ROBO2: variants seen among roughly 807,000 people sequenced by gnomAD.
ROBO2 encodes the protein roundabout guidance receptor 2.
A neutral mutation model predicts 160.8 loss-of-function variants in ROBO2; 53 were observed. That is an observed-to-expected ratio of 0.33 (90% CI 0.26 to 0.41). The LOEUF (loss-of-function observed/expected upper bound fraction) is 0.41. Ranked by LOEUF, ROBO2 falls within the 10% of genes least tolerant of loss-of-function variation. The pLI, the probability that ROBO2 is intolerant of heterozygous loss-of-function variation, is 1.00. For missense variants in ROBO2, 1,577 were observed against 1,722.4 expected, an observed-to-expected ratio of 0.92 and a Z score of 1.49; for synonymous variants, 664 against 611.7, an observed-to-expected ratio of 1.09 and a Z score of -1.26.
chr3:77,493,585 T>C (rs758547371), intron 5 of ROBO2, among the ~76,000 whole-genome samples: 2 of 152,206 alleles, frequency 1.3e-5, no homozygotes, highest in Non-Finnish European at 2.9e-5. Flanking sequence ...AATGAGTATC[T>C]ACATTAATGC....
At chr3:76,236,104 T>A (rs2049886137) in intron 2 of ROBO2, among the ~76,000 whole-genome samples, 1 of 152,164 alleles carries the variant, frequency 6.6e-6, no homozygotes, top group Admixed American at 6.5e-5. Context: ...TTTTTTGTTC[T>A]AATTAAATGG....
At chr3:76,244,883 T>A (rs190573743) in intron 2 of ROBO2, among the ~76,000 whole-genome samples, 38 of 152,354 alleles carry the variant, frequency 2.5e-4, no homozygotes, top group African/African-American at 8.9e-4. Context: ...GGAACTTTAA[T>A]AGTCTGTGTC....
chr3:76,878,167 T>G (rs989300381), intron 2 of ROBO2, among the ~76,000 whole-genome samples: 4 of 149,772 alleles, frequency 2.7e-5, no homozygotes, highest in African/African-American at 1.0e-4. Flanking sequence ...TAAAAAAAGT[T>G]TCCTTAATGC....
chr3:76,647,024 C>T (rs143530272), intron 2 of ROBO2, among the ~76,000 whole-genome samples: 2 of 152,148 alleles, frequency 1.3e-5, no homozygotes, highest in Admixed American at 6.5e-5. Flanking sequence ...AAAGGGCACA[C>T]GCTTGCCTAG....
intron 2 of ROBO2, among the ~76,000 whole-genome samples, chr3:77,121,459 T>A (rs1219441519): frequency 6.6e-6 from 1 of 152,326 alleles, no homozygotes; most frequent in East Asian, 1.9e-4. Flanking sequence ...TGGCTTCTAC[T>A]GGAATGGGGA....
intron 2 of ROBO2, among the ~76,000 whole-genome samples, chr3:77,194,720 TA>T (rs758828911): frequency 6.6e-5 from 10 of 152,216 alleles, no homozygotes; most frequent in East Asian, 5.8e-4. Flanking sequence ...TGACCTGTTT[TA>T]TTGTTTAAAA....
chr3:76,043,700 C>G lies in ROBO2; in HGVS notation c.109+106098C>G, dbSNP rs551220552. 3.3e-5 allele frequency among the ~76,000 whole-genome samples: 5 copies of G among 150,530 alleles called. No individual in the cohort carries two copies. In the East Asian group the frequency reaches 9.8e-4, roughly 29 times the overall value. On this transcript the variant is annotated intron_variant, in intron 2 of 26. Transcript: ENST00000487694. ...CCAAAACAAAAAAACACTGCCACCTCTTTATGACCAACCATAGTTTTGGTT... is the reference window on the plus strand; with the variant it reads ...CCAAAACAAAAAAACACTGCCACCTGTTTATGACCAACCATAGTTTTGGTT...
Position 76,023,916 on chromosome 3 carries a change from A to T in ROBO2, c.109+86314A>T, listed in dbSNP as rs930059125. On this transcript the variant is annotated intron_variant, in intron 2 of 26. Coordinates refer to the ROBO2 transcript ENST00000487694. ...TCCAGGTTACAGAGAAAAAAAGTGG[A>T]AGAGATTAGATCCAAATCAAATCTC... Among the ~76,000 whole-genome samples, 3 of 151,574 alleles carry T rather than the reference A, an allele frequency of 2.0e-5. No individual in the cohort carries two copies. The South Asian group carries it at 6.2e-4, about 31-fold the overall frequency.
chr3:76,831,620 C>G (rs977558924), intron 2 of ROBO2, among the ~76,000 whole-genome samples: 1 of 152,184 alleles, frequency 6.6e-6, no homozygotes, highest in Non-Finnish European at 1.5e-5. Context: ...CCATTTGTGA[C>G]TGGTTTCATA....
At chr3:76,652,174 G>A (rs2091283967) in intron 2 of ROBO2, among the ~76,000 whole-genome samples, 1 of 152,168 alleles carries the variant, frequency 6.6e-6, no homozygotes, top group Non-Finnish European at 1.5e-5. Context: ...AGTCAGCCAT[G>A]ATTTTATCTT....
At chr3:76,396,745 A>G (rs539821829) in intron 2 of ROBO2, among the ~76,000 whole-genome samples, 1 of 152,310 alleles carries the variant, frequency 6.6e-6, no homozygotes, top group South Asian at 2.1e-4. Flanking sequence ...AGAATAAAAT[A>G]CCTAGGAATC....
intron 2 of ROBO2, among the ~76,000 whole-genome samples, chr3:76,749,804 G>C (rs1488860226): frequency 6.6e-6 from 1 of 151,788 alleles, no homozygotes; most frequent in Non-Finnish European, 1.5e-5. Context: ...GGTAGGGTCA[G>C]GTTTAAGATG....
intron 2 of ROBO2, among the ~76,000 whole-genome samples, chr3:76,203,816 A>G (rs1238575304): frequency 1.3e-5 from 2 of 150,580 alleles, no homozygotes; most frequent in Non-Finnish European, 3.0e-5. Context: ...TAGTAATCTG[A>G]GTCAGATTGC....
chr3:77,346,865 C>T (rs763923449), intron 2 of ROBO2, among the ~76,000 whole-genome samples: 1 of 152,174 alleles, frequency 6.6e-6, no homozygotes, highest in Non-Finnish European at 1.5e-5. Context: ...TTTGTCCTTT[C>T]TCCCTTCTGG....
intron 2 of ROBO2, among the ~76,000 whole-genome samples, chr3:75,949,569 A>T (rs1208989427): frequency 6.6e-6 from 1 of 152,126 alleles, no homozygotes; most frequent in East Asian, 1.9e-4. Context: ...TTCCTTAAAC[A>T]TTACATTGCC....
intron 1 of ROBO2, chr3:77,092,294 CT>C (rs2070398674): frequency 6.6e-6 from 1 of 151,260 alleles, no homozygotes; most frequent in Non-Finnish European, 1.5e-5. Context: ...TAGAAGAGGT[CT>C]TTGGAATTAG....
chr3:77,557,942 A>T lies in ROBO2; in HGVS notation c.1232-2A>T. On this transcript the variant is annotated splice_acceptor_variant, in intron 8 of 25. Coordinates refer to ENST00000461745, the Ensembl canonical transcript of ROBO2. LOFTEE classifies it high-confidence loss of function. ...ATACCTGAAAAGAGCTTTATTCTTC[A>T]GTTTTGACAGATAGACCTCCACCTA... 1 of 1,612,294 alleles carries T rather than the reference A, an allele frequency of 6.2e-7. No homozygotes were observed. The highest frequency in any genetic ancestry group is 8.5e-7 in the Non-Finnish European group (1 of 1,178,658).
chr3:77,034,148 G>C (rs780563073), intron 2 of ROBO2, among the ~76,000 whole-genome samples: 3 of 151,714 alleles, frequency 2.0e-5, no homozygotes, highest in Non-Finnish European at 2.9e-5. Context: ...TTAAGAGAGA[G>C]AGCAATGTCT....
intron 2 of ROBO2, among the ~76,000 whole-genome samples, chr3:77,361,515 C>G (rs944489249): frequency 6.6e-6 from 1 of 152,106 alleles, no homozygotes; most frequent in Non-Finnish European, 1.5e-5. Context: ...TAGACAGAAT[C>G]TATTTCTCAC....
Sources: allele counts gnomAD v4.1 joint callset (sites outside exome capture counted in the v4.1 genomes callset), GRCh38; gene constraint gnomAD v4.1.1; transcripts MANE v1.5; gene names NCBI Gene and HGNC (gene_info 2026-07-23, HGNC 2026-07-21).